Variants in CDH18 observed in about 807,000 individuals in gnomAD.
CDH18 encodes cadherin 18, also known as cadherin-18.
In CDH18, 31 loss-of-function variants were observed where a neutral mutation model predicts 67.9. The observed-to-expected ratio is 0.46, with a 90% CI of 0.34 to 0.62. CDH18 has a LOEUF of 0.62. CDH18 is among the 20% of genes least tolerant of loss of function. The probability of loss-of-function intolerance (pLI) is 0.01; values close to 1 mark genes in which losing one functional copy is unlikely to be tolerated. For missense variants in CDH18, 890 were observed against 975.5 expected, an observed-to-expected ratio of 0.91 and a Z score of 1.17; for synonymous variants, 362 against 347.2, an observed-to-expected ratio of 1.04 and a Z score of -0.48.
chr5:20,554,459 A>G (rs2126629998), intron 1 of CDH18, among the ~76,000 whole-genome samples: 1 of 152,316 alleles, frequency 6.6e-6, no homozygotes, highest in East Asian at 1.9e-4. Context: ...TGAATTCTTA[A>G]ATCATTGAAA....
chr5:19,538,663 C>T (rs1749784068), intron 9 of CDH18, among the ~76,000 whole-genome samples: 1 of 152,012 alleles, frequency 6.6e-6, no homozygotes, highest in Non-Finnish European at 1.5e-5. Flanking sequence ...AGAATAAGCA[C>T]AGATTTAGGG....
intron 1 of CDH18, among the ~76,000 whole-genome samples, chr5:20,314,686 G>A (rs1737305675): frequency 6.6e-6 from 1 of 152,004 alleles, no homozygotes; most frequent in Non-Finnish European, 1.5e-5. Flanking sequence ...TAAGAAATAT[G>A]TGCTACCACT....
At chr5:20,433,533 G>A (rs1211606288) in intron 1 of CDH18, among the ~76,000 whole-genome samples, 1 of 151,968 alleles carries the variant, frequency 6.6e-6, no homozygotes, top group Non-Finnish European at 1.5e-5. Flanking sequence ...GGAGTAGTTG[G>A]TGTTGTAATG....
intron 1 of CDH18, among the ~76,000 whole-genome samples, chr5:20,308,179 A>G (rs2149983152): frequency 6.6e-6 from 1 of 151,048 alleles, no homozygotes; most frequent in Admixed American, 6.6e-5. Context: ...GTGGAAAGTC[A>G]ATATGAAAAT....
intron 1 of CDH18, among the ~76,000 whole-genome samples, chr5:20,386,939 AC>A (rs1362386534): frequency 3.3e-4 from 50 of 152,214 alleles, no homozygotes; most frequent in African/African-American, 1.2e-3. Flanking sequence ...CCTTATTCAT[AC>A]ATTATGTATT....
intron 3 of CDH18, among the ~76,000 whole-genome samples, chr5:19,782,626 T>G (rs1267214279): frequency 6.6e-6 from 1 of 152,172 alleles, no homozygotes; most frequent in Non-Finnish European, 1.5e-5. Flanking sequence ...CTAATTTTGG[T>G]GGCAGAATAT....
chr5:20,137,332 T>C (rs538337095), intron 2 of CDH18, among the ~76,000 whole-genome samples: 10 of 152,258 alleles, frequency 6.6e-5, no homozygotes, highest in African/African-American at 2.4e-4. Flanking sequence ...TTCATTCATT[T>C]GATGTTCAAT....
chr5:20,424,209 A>G (rs1389434872), intron 1 of CDH18, among the ~76,000 whole-genome samples: 2 of 150,898 alleles, frequency 1.3e-5, no homozygotes, highest in Non-Finnish European at 1.5e-5. Flanking sequence ...ATCCTCTGCT[A>G]AGACAAATTA....
intron 10 of CDH18, among the ~76,000 whole-genome samples, chr5:19,512,509 A>G (rs867043198): frequency 6.6e-6 from 1 of 152,140 alleles, no homozygotes; most frequent in South Asian, 2.1e-4. Flanking sequence ...CAAGGGTAAC[A>G]TTTACTCTTA....
intron 2 of CDH18, among the ~76,000 whole-genome samples, chr5:20,213,582 A>G (rs866602775): frequency 5.3e-5 from 8 of 151,972 alleles, no homozygotes; most frequent in African/African-American, 1.9e-4. Flanking sequence ...CAGGGTTTCA[A>G]TTTCTTCCTG....
intron 2 of CDH18, among the ~76,000 whole-genome samples, chr5:20,180,510 C>T (rs1026305830): frequency 6.6e-6 from 1 of 152,138 alleles, no homozygotes; most frequent in Non-Finnish European, 1.5e-5. Flanking sequence ...GATGCACACA[C>T]TAAATTGTAA....
At chr5:19,702,185 G>A (rs1247981845) in intron 5 of CDH18, among the ~76,000 whole-genome samples, 1 of 110,644 alleles carries the variant, frequency 9.0e-6, no homozygotes, top group Non-Finnish European at 1.7e-5. Context: ...GTCTCCCTCT[G>A]TCCCCCAGGC....
chr5:19,623,702 A>G (rs1362229520), intron 5 of CDH18, among the ~76,000 whole-genome samples: 1 of 151,786 alleles, frequency 6.6e-6, no homozygotes, highest in Non-Finnish European at 1.5e-5. Flanking sequence ...GAATGTCACA[A>G]AAACACTTGG....
intron 2 of CDH18, among the ~76,000 whole-genome samples, chr5:19,996,772 A>T (rs1736055636): frequency 6.6e-6 from 1 of 152,034 alleles, no homozygotes. Flanking sequence ...AATGGATTTA[A>T]ATTGTCTTAA....
intron 3 of CDH18, among the ~76,000 whole-genome samples, chr5:19,804,256 C>T (rs1386980419): frequency 6.7e-6 from 1 of 150,082 alleles, no homozygotes; most frequent in Non-Finnish European, 1.5e-5. Flanking sequence ...GAGCCGAGAT[C>T]GCACCACTGC....
At chr5:19,815,552 A>G (rs1779200406) in intron 3 of CDH18, among the ~76,000 whole-genome samples, 1 of 131,800 alleles carries the variant, frequency 7.6e-6, no homozygotes. Context: ...TACATATTAA[A>G]TATCTTCATA....
At chr5:20,185,490 C>T (rs1056169324) in intron 2 of CDH18, among the ~76,000 whole-genome samples, 7 of 152,188 alleles carry the variant, frequency 4.6e-5, no homozygotes, top group African/African-American at 1.4e-4. Context: ...ACCTGGCATA[C>T]CTTGGTCACT....
At chr5:19,749,888 A>G (rs1234885489) in intron 3 of CDH18, among the ~76,000 whole-genome samples, 1 of 151,708 alleles carries the variant, frequency 6.6e-6, no homozygotes, top group Non-Finnish European at 1.5e-5. Context: ...GATATGACTA[A>G]TTTGAACCTA....
intron 1 of CDH18, among the ~76,000 whole-genome samples, chr5:20,369,769 T>C (rs555160618): frequency 2.6e-5 from 4 of 152,212 alleles, no homozygotes; most frequent in Non-Finnish European, 5.9e-5. Flanking sequence ...TCATCACTGA[T>C]TTGAAAATAA....
Sources: gnomAD v4.1 joint callset for allele counts (sites outside exome capture counted in the v4.1 genomes callset) on GRCh38, gnomAD v4.1.1 for gene constraint, MANE v1.5 for transcripts, NCBI Gene and HGNC (gene_info 2026-07-23, HGNC 2026-07-21) for gene names.